PXDNL: variants seen among roughly 807,000 people sequenced by gnomAD.
The protein encoded by PXDNL is probable oxidoreductase PXDNL.
In PXDNL, 145 loss-of-function variants were observed where a neutral mutation model predicts 150.8. The observed-to-expected ratio is 0.96, with a 90% CI of 0.84 to 1.10. The LOEUF (loss-of-function observed/expected upper bound fraction) is 1.10, where lower values mean the gene tolerates loss of function less well. Among genes scored for constraint, PXDNL ranks in the 50% least tolerant of loss-of-function variants. The pLI is 0.00. For synonymous variants in PXDNL, 757 were observed against 725.7 expected (o/e 1.04, Z -0.69); for missense variants, 2,087 against 1,873.9 (o/e 1.11, Z -2.10).
intron 5 of PXDNL, among the ~76,000 whole-genome samples, chr8:51,493,874 A>T (rs994416106): frequency 6.6e-6 from 1 of 152,234 alleles, no homozygotes; most frequent in Non-Finnish European, 1.5e-5. Flanking sequence ...ATTATCCAGG[A>T]GAACTTCCCA....
intron 1 of PXDNL, among the ~76,000 whole-genome samples, chr8:51,778,849 G>C (rs1369188865): frequency 6.6e-6 from 1 of 152,152 alleles, no homozygotes; most frequent in Non-Finnish European, 1.5e-5. Flanking sequence ...TTCAGTTCTT[G>C]CGAGTATTCT....
intron 17 of PXDNL, among the ~76,000 whole-genome samples, chr8:51,384,596 G>A (rs1268116872): frequency 2.6e-5 from 4 of 151,986 alleles, no homozygotes; most frequent in African/African-American, 9.6e-5. Context: ...TATATATAAA[G>A]CTCTATGTTA....
chr8:51,797,188 C>G (rs546174529), intron 1 of PXDNL, among the ~76,000 whole-genome samples: 2 of 152,102 alleles, frequency 1.3e-5, no homozygotes, highest in African/African-American at 4.8e-5. Flanking sequence ...ATAATAAGAG[C>G]CATTTATGAC....
intron 1 of PXDNL, among the ~76,000 whole-genome samples, chr8:51,719,653 A>C (rs568756218): frequency 2.0e-5 from 3 of 152,208 alleles, no homozygotes; most frequent in Admixed American, 6.5e-5. Context: ...AAAAAAAAAA[A>C]AACTATTTCT....
At chr8:51,436,581 T>C (rs1809413180) in intron 12 of PXDNL, 2 of 211,714 alleles carry the variant, frequency 9.4e-6, no homozygotes, top group South Asian at 1.7e-4. Context: ...TGCAAATACA[T>C]GGAAATTAAA....
chr8:51,792,522 C>A (rs1443861731), intron 1 of PXDNL, among the ~76,000 whole-genome samples: 1 of 152,198 alleles, frequency 6.6e-6, no homozygotes, highest in African/African-American at 2.4e-5. Context: ...CTAAAACTAC[C>A]GAATTCCCGG....
intron 12 of PXDNL, chr8:51,436,491 C>T (rs2129845649): frequency 2.9e-6 from 1 of 342,420 alleles, no homozygotes; most frequent in South Asian, 2.7e-5. Flanking sequence ...AGCCAAAGAT[C>T]CTTCTTCCAT....
chr8:51,361,120 C>T (rs1388892826), intron 19 of PXDNL, among the ~76,000 whole-genome samples: 3 of 152,208 alleles, frequency 2.0e-5, no homozygotes, highest in Non-Finnish European at 2.9e-5. Context: ...TATTCTCTCT[C>T]AGATTCCAAA....
intron 1 of PXDNL, among the ~76,000 whole-genome samples, chr8:51,673,693 G>A (rs1039568427): frequency 6.6e-6 from 1 of 152,090 alleles, no homozygotes; most frequent in East Asian, 1.9e-4. Context: ...TCCTTTTAAT[G>A]CAAAGAATCT....
chr8:51,452,913 CACACACAAACGCACACACACAA>C lies in PXDNL; in HGVS notation c.1249+584_1249+605del, dbSNP rs1472913267. Among the ~76,000 whole-genome samples, 4 of 139,446 alleles carry C rather than the reference CACACACAAACGCACACACACAA, an allele frequency of 2.9e-5. No individual in the cohort carries two copies. In the East Asian group the frequency reaches 7.8e-4, roughly 27 times the overall value. 91.5% of individuals were successfully genotyped at this position (139,446 alleles called of 152,430 possible). Reference sequence around the variant, plus strand: ...GATGGCATGCAGGCACACATGCACACACACACAAACGCACACACACAAACACACACACACACACACACATGCA... The same window carrying C: ...GATGGCATGCAGGCACACATGCACACACACACACACACACACACACATGCA... On this transcript the variant is annotated intron_variant, in intron 10 of 22. Coordinates refer to ENST00000356297, the MANE Select transcript of PXDNL (RefSeq NM_144651.5).
At chr8:51,600,487 A>G (rs1813682117) in intron 2 of PXDNL, among the ~76,000 whole-genome samples, 1 of 136,938 alleles carries the variant, frequency 7.3e-6, no homozygotes, top group Non-Finnish European at 1.5e-5. Flanking sequence ...TATATAAATT[A>G]TATCGTTTAG....
chr8:51,650,639 G>A (rs1393997665), intron 2 of PXDNL, among the ~76,000 whole-genome samples: 2 of 152,226 alleles, frequency 1.3e-5, no homozygotes, highest in Non-Finnish European at 2.9e-5. Context: ...TCAATAGGCA[G>A]AAGACTTGGT....
chr8:51,413,212 A>G lies in PXDNL; in HGVS notation c.1842T>C (p.Ile614=). 5 of 1,612,922 alleles carry G rather than the reference A, an allele frequency of 3.1e-6. No individual in the cohort carries two copies. Among genetic ancestry groups the G allele is most frequent in the Non-Finnish European group, 4.2e-6 (5 of 1,179,066 alleles). Residue 614 remains isoleucine, a synonymous_variant, in exon 15 of 23, where the codon ATT becomes ATC. Transcript: ENST00000356297. ...QAGDDFVESS[I]LDAVQRVDSA... is the part of the protein sequence containing the mutation. ...TGTCAACTCTCTGTACAGCATCAAG[A>G]ATGGAAGATTCAACAAAGTCATCGC...
chr8:51,581,667 G>A (rs1813215950), intron 3 of PXDNL, among the ~76,000 whole-genome samples: 1 of 152,092 alleles, frequency 6.6e-6, no homozygotes, highest in Non-Finnish European at 1.5e-5. Context: ...AGGGATACTG[G>A]CTTGCAATTT....
At chr8:51,592,489 T>A (rs904599990) in intron 3 of PXDNL, 138 bp downstream of exon 3, 1 of 592,540 alleles carries the variant, frequency 1.7e-6, no homozygotes, top group African/African-American at 1.9e-5. Flanking sequence ...GACATGTTCA[T>A]ATGTGAGTTT....
chr8:51,602,147 CTA>C (rs1813737908), intron 2 of PXDNL, among the ~76,000 whole-genome samples: 2 of 151,774 alleles, frequency 1.3e-5, no homozygotes, highest in African/African-American at 4.8e-5. Flanking sequence ...AGTCTGGTGA[CTA>C]TACGCCTTGG....
intron 12 of PXDNL, among the ~76,000 whole-genome samples, chr8:51,444,715 T>C (rs2129910613): frequency 6.6e-6 from 1 of 152,208 alleles, no homozygotes; most frequent in South Asian, 2.1e-4. Flanking sequence ...TTCCTCATAA[T>C]CTCAGAGATA....
intron 20 of PXDNL, among the ~76,000 whole-genome samples, 181 bp downstream of exon 20, chr8:51,345,652 A>G (rs1806127566): frequency 6.6e-6 from 1 of 152,194 alleles, no homozygotes; most frequent in East Asian, 1.9e-4. Flanking sequence ...GGGCTATTGC[A>G]GAGTGAAATG....
intron 9 of PXDNL, among the ~76,000 whole-genome samples, chr8:51,455,918 T>C (rs539095176): frequency 6.6e-6 from 1 of 152,292 alleles, no homozygotes; most frequent in Non-Finnish European, 1.5e-5. Flanking sequence ...AATAAATTAC[T>C]TGGAAACTAT....
Sources: allele counts gnomAD v4.1 joint callset (sites outside exome capture counted in the v4.1 genomes callset), GRCh38; gene constraint gnomAD v4.1.1; transcripts MANE v1.5; gene names NCBI Gene and HGNC (gene_info 2026-07-23, HGNC 2026-07-21).